LRBA: variants seen among roughly 807,000 people sequenced by gnomAD.
LRBA encodes the protein lipopolysaccharide-responsive and beige-like anchor protein.
Under a neutral mutation model 330.0 loss-of-function variants are expected in LRBA, and 176 were observed. The observed-to-expected ratio is 0.53, with a 90% CI of 0.47 to 0.60. The LOEUF (loss-of-function observed/expected upper bound fraction) is 0.60. LRBA is among the 20% of genes least tolerant of loss of function. LRBA has a pLI of 0.00. For missense variants in LRBA, 3,259 were observed against 3,444.8 expected (o/e 0.95, Z 1.35); for synonymous variants, 1,230 against 1,193.0 (o/e 1.03, Z -0.64).
At chr4:150,496,523 G>A (rs1459580552) in intron 40 of LRBA, among the ~76,000 whole-genome samples, 1 of 151,830 alleles carries the variant, frequency 6.6e-6, no homozygotes, top group African/African-American at 2.4e-5. Flanking sequence ...CATTTTAAAT[G>A]TTTTAAAATT....
At chr4:150,452,120 G>A (rs1025546538) in intron 44 of LRBA, among the ~76,000 whole-genome samples, 1 of 152,058 alleles carries the variant, frequency 6.6e-6, no homozygotes, top group African/African-American at 2.4e-5. Context: ...CAATATTACA[G>A]GCCAATATCC....
intron 38 of LRBA, among the ~76,000 whole-genome samples, chr4:150,592,148 T>TTTTG: frequency 7.2e-6 from 1 of 137,968 alleles, no homozygotes; most frequent in Non-Finnish European, 1.6e-5. Context: ...GCTAGGGTTT[T>TTTTG]TTTTTTTTTT....
intron 17 of LRBA, among the ~76,000 whole-genome samples, chr4:150,874,571 G>C (rs1052999469): frequency 1.3e-5 from 2 of 152,154 alleles, no homozygotes; most frequent in African/African-American, 4.8e-5. Flanking sequence ...AACAAGACTT[G>C]GCAGGCAGAG....
In LRBA at chr4:150,682,981, C is replaced by G. The variant is rs181428242; in HGVS notation, c.5921+570G>C. Among the ~76,000 whole-genome samples, 4 of 152,038 alleles carry G rather than the reference C, an allele frequency of 2.6e-5. No individual in the cohort carries two copies. In the East Asian group the frequency reaches 7.7e-4, roughly 29 times the overall value. ...TAAAGTAAAATCAACAACAGCATGT[C>G]CAGTTTGGCTATCTTAAAAGAAGGT... On this transcript the variant is annotated intron_variant, in intron 37 of 56. Coordinates refer to ENST00000651943, the MANE Select transcript of LRBA (RefSeq NM_001364905.1).
intron 35 of LRBA, among the ~76,000 whole-genome samples, chr4:150,755,135 G>A (rs955092683): frequency 1.3e-5 from 2 of 151,934 alleles, no homozygotes; most frequent in African/African-American, 2.4e-5. Context: ...ATTAGTAATC[G>A]TGCTATTCAG....
chr4:150,791,986 G>A (rs1432276575), intron 34 of LRBA, among the ~76,000 whole-genome samples: 15 of 118,648 alleles, frequency 1.3e-4, no homozygotes, highest in Admixed American at 2.4e-4. Context: ...CAGAAATCGC[G>A]CCACTGCACT....
At chr4:150,846,098 G>A (rs531270476) in intron 26 of LRBA, among the ~76,000 whole-genome samples, 1 of 152,256 alleles carries the variant, frequency 6.6e-6, no homozygotes, top group South Asian at 2.1e-4. Context: ...CATGTCTTTT[G>A]CAGCAATATA....
intron 44 of LRBA, among the ~76,000 whole-genome samples, chr4:150,467,292 GAAAGA>G (rs917799325): frequency 1.2e-4 from 18 of 152,216 alleles, no homozygotes; most frequent in African/African-American, 4.1e-4. Context: ...ACAGAAAAGA[GAAAGA>G]ATTAAACTTC....
chr4:150,892,811 A>T (rs1371405464), intron 17 of LRBA, among the ~76,000 whole-genome samples: 2 of 152,188 alleles, frequency 1.3e-5, no homozygotes, highest in Admixed American at 1.3e-4. Flanking sequence ...CACTCACCAT[A>T]CAAAATATTG....
At chr4:150,958,525 T>C (rs1259534495) in intron 2 of LRBA, among the ~76,000 whole-genome samples, 1 of 149,318 alleles carries the variant, frequency 6.7e-6, no homozygotes, top group African/African-American at 2.6e-5. Flanking sequence ...CCCTATTGTC[T>C]TGGCAATTAA....
At chr4:150,904,852 T>C (rs906878823) in intron 13 of LRBA, among the ~76,000 whole-genome samples, 1 of 152,038 alleles carries the variant, frequency 6.6e-6, no homozygotes, top group Admixed American at 6.6e-5. Context: ...ATTAAGACTC[T>C]AGAAAAGCAA....
intron 47 of LRBA, among the ~76,000 whole-genome samples, chr4:150,391,740 C>T (rs541025629): frequency 6.6e-6 from 1 of 152,136 alleles, no homozygotes; most frequent in South Asian, 2.1e-4. Context: ...TCAAGTGATA[C>T]CATGTGCCAG....
chr4:150,484,027 G>C (rs1412068858), intron 42 of LRBA, among the ~76,000 whole-genome samples: 1 of 151,896 alleles, frequency 6.6e-6, no homozygotes, highest in Admixed American at 6.6e-5. Context: ...TGTTGTTGTT[G>C]CTGTTTTTTT....
At chr4:150,370,389 T>A in intron 47 of LRBA, among the ~76,000 whole-genome samples, 1 of 152,248 alleles carries the variant, frequency 6.6e-6, no homozygotes, top group South Asian at 2.1e-4. Context: ...CACAAAGACA[T>A]AGAGGAATCT....
intron 56 of LRBA, among the ~76,000 whole-genome samples, chr4:150,277,268 TGTG>T (rs1259089024): frequency 8.1e-6 from 1 of 123,606 alleles, no homozygotes; most frequent in African/African-American, 3.1e-5. Flanking sequence ...GGGGGCCTGT[TGTG>T]GGGGTGGGGG....
At chr4:150,809,915 GATAC>G (rs1743451230) in intron 31 of LRBA, among the ~76,000 whole-genome samples, 1 of 124,448 alleles carries the variant, frequency 8.0e-6, no homozygotes, top group Non-Finnish European at 1.8e-5. Flanking sequence ...GATACGATAC[GATAC>G]GATACGATAC....
chr4:150,491,070 A>C, intron 40 of LRBA, 35 bp from the exon 41 acceptor site: 1 of 1,035,826 alleles, frequency 9.7e-7, no homozygotes, highest in Non-Finnish European at 1.4e-6. Flanking sequence ...GGTAAGTAAC[A>C]ATACTTGTTT....
intron 37 of LRBA, among the ~76,000 whole-genome samples, chr4:150,603,684 G>A (rs1014815945): frequency 3.3e-5 from 5 of 152,004 alleles, no homozygotes; most frequent in Non-Finnish European, 5.9e-5. Context: ...TATTTTCTTA[G>A]AGATGGGATC....
At chr4:150,921,333 C>T (rs1212995804) in intron 4 of LRBA, 40 bp from the exon 5 acceptor site, 5 of 1,210,422 alleles carry the variant, frequency 4.1e-6, no homozygotes, top group Non-Finnish European at 4.9e-6. Flanking sequence ...ACATTATTTA[C>T]CATAAGATAA....
Sources: allele counts gnomAD v4.1 joint callset (sites outside exome capture counted in the v4.1 genomes callset), GRCh38; gene constraint gnomAD v4.1.1; transcripts MANE v1.5; gene names NCBI Gene and HGNC (gene_info 2026-07-23, HGNC 2026-07-21).